COPG2: variants seen among roughly 807,000 people sequenced by gnomAD.
COPG2 encodes the protein coatomer subunit gamma-2.
COPG2 carries 37 observed loss-of-function variants against 46.3 expected under a neutral mutation model. That is an observed-to-expected ratio of 0.80 (90% CI 0.61 to 1.05). The LOEUF (loss-of-function observed/expected upper bound fraction) is 1.05, where lower values mean the gene tolerates loss of function less well. COPG2 is among the 50% of genes least tolerant of loss of function. The pLI is 0.00. For missense variants in COPG2, 427 were observed against 387.8 expected, an observed-to-expected ratio of 1.10 and a Z score of -0.85; for synonymous variants, 159 against 129.7, an observed-to-expected ratio of 1.23 and a Z score of -1.53.
chr7:130,564,527 C>T (rs962853090), intron 9 of COPG2, 134 bp from the exon 10 acceptor site: 5 of 396,542 alleles, frequency 1.3e-5, no homozygotes, highest in Non-Finnish European at 2.2e-5. Flanking sequence ...TTCATTTCAT[C>T]ACAAAGCAAT....
chr7:130,605,703 T>A (rs1395786721), intron 9 of COPG2: 1 of 518,550 alleles, frequency 1.9e-6, no homozygotes, highest in Non-Finnish European at 3.9e-6. Context: ...GGAAATGAAT[T>A]TGGCCAACGA....
chr7:130,512,223 C>T (rs1799608117), intron 20 of COPG2, among the ~76,000 whole-genome samples: 1 of 151,526 alleles, frequency 6.6e-6, no homozygotes, highest in Admixed American at 6.6e-5. Context: ...TAATACACAA[C>T]TCTCCTTGTT....
At chr7:130,629,754 C>CT (rs1166027970) in intron 5 of COPG2, among the ~76,000 whole-genome samples, 2 of 151,922 alleles carry the variant, frequency 1.3e-5, no homozygotes, top group Admixed American at 6.6e-5. Flanking sequence ...TCTTGAAATT[C>CT]TTTTTTAGGA....
rs150572218 is a variant in COPG2, at chr7:130,577,154, T to C, written c.738-12761A>G. ...CCAACAAAAAAAAGTCCAGAATGAT[T>C]GAGAAGGAGGAGCCAAGATGGCCGA... On this transcript the variant is annotated intron_variant, in intron 9 of 23. Coordinates refer to ENST00000425248, the MANE Select transcript of COPG2 (RefSeq NM_012133.6). Among the ~76,000 whole-genome samples the C allele has an allele frequency of 2.0e-5, 3 of 152,218 alleles. No homozygotes were observed. The East Asian group carries it at 5.8e-4, about 29-fold the overall frequency.
chr7:130,526,030 G>T (rs1055556196), intron 20 of COPG2, among the ~76,000 whole-genome samples: 1 of 152,028 alleles, frequency 6.6e-6, no homozygotes, highest in Non-Finnish European at 1.5e-5. Context: ...CACTGGGGCC[G>T]CACCTGAGGT....
intron 9 of COPG2, among the ~76,000 whole-genome samples, chr7:130,573,939 C>A (rs1374975853): frequency 2.0e-5 from 3 of 152,076 alleles, no homozygotes; most frequent in African/African-American, 7.2e-5. Flanking sequence ...TTGGCAATTT[C>A]TTTAAAAGTT....
chr7:130,518,485 G>T (rs1799697543), intron 20 of COPG2, among the ~76,000 whole-genome samples: 1 of 152,164 alleles, frequency 6.6e-6, no homozygotes, highest in Non-Finnish European at 1.5e-5. Context: ...TATGGAGCAG[G>T]TGGGTGGCAT....
At chr7:130,541,200 T>C (rs1799933218) in intron 20 of COPG2, among the ~76,000 whole-genome samples, 1 of 152,114 alleles carries the variant, frequency 6.6e-6, no homozygotes. Flanking sequence ...AGGCACCGGG[T>C]ACCCTGGTGG....
At chr7:130,611,753 T>C (rs1222293978) in intron 8 of COPG2, among the ~76,000 whole-genome samples, 1 of 152,240 alleles carries the variant, frequency 6.6e-6, no homozygotes, top group Non-Finnish European at 1.5e-5. Flanking sequence ...TCAAAAGAGC[T>C]CTTTTTGACA....
chr7:130,530,292 G>A (rs1226875421), intron 20 of COPG2, among the ~76,000 whole-genome samples: 3 of 152,154 alleles, frequency 2.0e-5, no homozygotes, highest in African/African-American at 7.2e-5. Flanking sequence ...GAGGTAAATG[G>A]AAATAAAGGA....
intron 20 of COPG2, among the ~76,000 whole-genome samples, chr7:130,521,703 G>A (rs1272205658): frequency 1.3e-5 from 2 of 152,198 alleles, no homozygotes; most frequent in African/African-American, 4.8e-5. Flanking sequence ...AGCACTGCAT[G>A]GATTTGGCAA....
At position 130,507,331 on chromosome 7, in the gene COPG2, A is replaced by G; in HGVS notation, c.2428T>C (p.Cys810Arg). The G allele has an allele frequency of 1.3e-6, 1 of 780,726 alleles. No homozygotes were observed. Among genetic ancestry groups the G allele is most frequent in the Non-Finnish European group, 2.4e-6 (1 of 417,856 alleles). 48.4% of individuals were successfully genotyped at this position (780,726 alleles called of 1,614,324 possible). The change falls in exon 23 of 24, where the codon TGT (cysteine) becomes CGT (arginine). Residue 810 changes from cysteine to arginine, a missense_variant. Cys to Arg is a radical substitution (Grantham distance 180, BLOSUM62 -3). Transcript: ENST00000425248. ...TCAGGTACTTTATCGGACCTCTCAC[A>G]TGGCTGCATGCCCAGAAATGTGATG... ...NIITFLGMQP[C>R]ERSDKVPENK...
At chr7:130,663,088 A>T in intron 3 of COPG2, 50 bp from the exon 4 acceptor site, 1 of 924,014 alleles carries the variant, frequency 1.1e-6, no homozygotes, top group Non-Finnish European at 1.6e-6. Context: ...GTATATTCAT[A>T]TATATGTACA....
At chr7:130,560,260 T>G (rs1447203358) in intron 12 of COPG2, among the ~76,000 whole-genome samples, 4 of 152,108 alleles carry the variant, frequency 2.6e-5, no homozygotes, top group African/African-American at 9.7e-5. Context: ...ATCAAAAGCA[T>G]AAAATATTTA....
chr7:130,620,471 T>C, intron 5 of COPG2, among the ~76,000 whole-genome samples: 1 of 152,186 alleles, frequency 6.6e-6, no homozygotes. Flanking sequence ...ACAGGGACTA[T>C]TCCCAACCCT....
At chr7:130,566,590 G>A (rs1009770490) in intron 9 of COPG2, among the ~76,000 whole-genome samples, 1 of 152,220 alleles carries the variant, frequency 6.6e-6, no homozygotes, top group East Asian at 1.9e-4. Context: ...CATAAGACCT[G>A]CAGAGGCGGG....
chr7:130,527,957 G>C (rs934264061), intron 20 of COPG2, among the ~76,000 whole-genome samples: 2,556 of 152,238 alleles, frequency 0.017, 65 homozygotes, highest in African/African-American at 0.059. Context: ...CAGAGGAAGT[G>C]GGCTGTGCGG....
At chr7:130,598,627 A>G (rs1794574336) in intron 9 of COPG2, among the ~76,000 whole-genome samples, 1 of 152,218 alleles carries the variant, frequency 6.6e-6, no homozygotes, top group African/African-American at 2.4e-5. Flanking sequence ...CCAGGATTTC[A>G]GCTCATTACT....
chr7:130,531,531 C>G (rs1799824985), intron 20 of COPG2, among the ~76,000 whole-genome samples: 1 of 151,828 alleles, frequency 6.6e-6, no homozygotes, highest in African/African-American at 2.4e-5. Flanking sequence ...AGAGTCCTAT[C>G]AGGTGGCAGG....
Sources: allele counts gnomAD v4.1 joint callset (sites outside exome capture counted in the v4.1 genomes callset), GRCh38; gene constraint gnomAD v4.1.1; transcripts MANE v1.5; gene names NCBI Gene and HGNC (gene_info 2026-07-23, HGNC 2026-07-21).